Variants in ADK observed in about 807,000 individuals in gnomAD.
ADK encodes the protein adenosine kinase.
A neutral mutation model predicts 44.7 loss-of-function variants in ADK; 24 were observed. The observed-to-expected ratio is 0.54, with a 90% CI of 0.39 to 0.76. The LOEUF is 0.76. Among genes scored for constraint, ADK ranks in the 30% least tolerant of loss-of-function variants. ADK has a pLI of 0.00. For missense variants in ADK, 321 were observed against 425.1 expected, an observed-to-expected ratio of 0.76 and a Z score of 2.15; for synonymous variants, 128 against 142.6, an observed-to-expected ratio of 0.90 and a Z score of 0.73.
At chr10:74,291,547 C>T (rs1161586808) in intron 3 of ADK, among the ~76,000 whole-genome samples, 1 of 151,898 alleles carries the variant, frequency 6.6e-6, no homozygotes, top group African/African-American at 2.4e-5. Context: ...CAAGCATAAA[C>T]CATATGAAAT....
intron 7 of ADK, among the ~76,000 whole-genome samples, chr10:74,561,869 A>G (rs1039433131): frequency 1.3e-5 from 2 of 152,204 alleles, no homozygotes; most frequent in African/African-American, 4.8e-5. Context: ...TCTCTTTCAA[A>G]GGGCTCACCT....
At chr10:74,482,478 G>A (rs1306808416) in intron 6 of ADK, among the ~76,000 whole-genome samples, 2 of 152,068 alleles carry the variant, frequency 1.3e-5, no homozygotes, top group Admixed American at 1.3e-4. Flanking sequence ...ATATCATTCT[G>A]CCCCTGGCTT....
intron 6 of ADK, among the ~76,000 whole-genome samples, chr10:74,465,300 A>G (rs1331486529): frequency 6.6e-6 from 1 of 152,216 alleles, no homozygotes; most frequent in African/African-American, 2.4e-5. Context: ...CCAGGAGATT[A>G]ATATGGCTAG....
chr10:74,224,253 A>C (rs189211658), intron 2 of ADK, among the ~76,000 whole-genome samples: 4 of 152,340 alleles, frequency 2.6e-5, no homozygotes, highest in African/African-American at 9.6e-5. Flanking sequence ...TTGTTCCATC[A>C]GTTTTGAACT....
intron 7 of ADK, among the ~76,000 whole-genome samples, chr10:74,553,179 C>A (rs1315350574): frequency 7.2e-6 from 1 of 139,824 alleles, no homozygotes; most frequent in Non-Finnish European, 1.5e-5. Flanking sequence ...GACAATTTTT[C>A]AGCACATTGT....
At chr10:74,226,251 G>A (rs969694848) in intron 3 of ADK, among the ~76,000 whole-genome samples, 15 of 152,096 alleles carry the variant, frequency 9.9e-5, no homozygotes, top group South Asian at 6.2e-4. Context: ...GGGATTACAG[G>A]CACCCGCCAC....
intron 6 of ADK, among the ~76,000 whole-genome samples, chr10:74,455,880 A>G (rs895679856): frequency 6.6e-6 from 1 of 152,138 alleles, no homozygotes; most frequent in African/African-American, 2.4e-5. Flanking sequence ...TGTTAGTCCC[A>G]TGGGCTTCAC....
At chr10:74,671,851 T>A (rs1855198629) in intron 10 of ADK, among the ~76,000 whole-genome samples, 1 of 152,226 alleles carries the variant, frequency 6.6e-6, no homozygotes, top group African/African-American at 2.4e-5. Context: ...GATTTGATGG[T>A]GACCTAAATA....
chr10:74,593,655 T>C (rs1285050247), intron 8 of ADK, among the ~76,000 whole-genome samples: 1 of 152,074 alleles, frequency 6.6e-6, no homozygotes. Context: ...TGACACATCA[T>C]ATAAACAGCA....
At chr10:74,627,463 A>C (rs1293157325) in intron 9 of ADK, among the ~76,000 whole-genome samples, 2 of 151,958 alleles carry the variant, frequency 1.3e-5, no homozygotes, top group African/African-American at 2.4e-5. Context: ...TGGGTGACAG[A>C]GTGAGACCCT....
intron 1 of ADK, among the ~76,000 whole-genome samples, chr10:74,197,530 T>C (rs1038298022): frequency 6.6e-6 from 1 of 151,942 alleles, no homozygotes; most frequent in African/African-American, 2.4e-5. Context: ...TGAAACCCCA[T>C]TTCTACTACA....
At chr10:74,176,535 G>C in intron 1 of ADK, 2 of 1,263,872 alleles carry the variant, frequency 1.6e-6, no homozygotes, top group South Asian at 3.9e-5. Flanking sequence ...TGTAAACTGC[G>C]GGGTGACGGG....
intron 1 of ADK, among the ~76,000 whole-genome samples, chr10:74,171,551 G>A (rs889415558): frequency 1.3e-5 from 2 of 152,150 alleles, no homozygotes; most frequent in African/African-American, 4.8e-5. Flanking sequence ...ATTAGATAAA[G>A]TATATGGAAT....
In ADK at chr10:74,519,083, A is replaced by G. The variant is rs547618786; in HGVS notation, c.556-6173A>G. Among the ~76,000 whole-genome samples, 254 of 152,082 alleles carry G rather than the reference A, an allele frequency of 1.7e-3. 1 individual carries two copies. Among genetic ancestry groups the G allele is most frequent in the South Asian group, 0.012 (56 of 4,820 alleles). Reference sequence around the variant, plus strand: ...CTTAATAATGGATTTTATTTAATCTAATATATCTAAAATATTTATTGTTTC... The same window carrying G: ...CTTAATAATGGATTTTATTTAATCTGATATATCTAAAATATTTATTGTTTC... On this transcript the variant is annotated intron_variant, in intron 6 of 10. Transcript: ENST00000539909.
chr10:74,599,750 TTA>T (rs767232127), intron 8 of ADK, among the ~76,000 whole-genome samples: 1 of 152,188 alleles, frequency 6.6e-6, no homozygotes, highest in Non-Finnish European at 1.5e-5. Flanking sequence ...AGTTTGACAA[TTA>T]GTTTGTCATT....
intron 6 of ADK, among the ~76,000 whole-genome samples, chr10:74,406,611 A>G (rs914169964): frequency 6.6e-6 from 1 of 151,472 alleles, no homozygotes; most frequent in Non-Finnish European, 1.5e-5. Flanking sequence ...TGTTTTCAAT[A>G]TTTTTGTTTT....
intron 1 of ADK, among the ~76,000 whole-genome samples, chr10:74,167,616 C>T (rs917139462): frequency 6.6e-6 from 1 of 152,160 alleles, no homozygotes; most frequent in Non-Finnish European, 1.5e-5. Flanking sequence ...AGTTGGACTT[C>T]TCACGTGGCA....
intron 8 of ADK, among the ~76,000 whole-genome samples, chr10:74,590,093 A>G (rs896221490): frequency 2.0e-5 from 3 of 152,194 alleles, no homozygotes; most frequent in Non-Finnish European, 2.9e-5. Flanking sequence ...GAAAACACTG[A>G]CTAATATGAA....
intron 2 of ADK, among the ~76,000 whole-genome samples, chr10:74,220,819 AC>A (rs1444631954): frequency 6.6e-6 from 1 of 152,000 alleles, no homozygotes; most frequent in African/African-American, 2.4e-5. Flanking sequence ...AAATTTAACA[AC>A]CCTTCATGCT....
Sources: gnomAD v4.1 joint callset for allele counts (sites outside exome capture counted in the v4.1 genomes callset) on GRCh38, gnomAD v4.1.1 for gene constraint, MANE v1.5 for transcripts, NCBI Gene and HGNC (gene_info 2026-07-23, HGNC 2026-07-21) for gene names.